The following TAB2 variants were observed in gnomAD, a reference collection of about 807,000 sequenced individuals.
TAB2 encodes TGF-beta activated kinase 1 (MAP3K7) binding protein 2, also known as TGF-beta-activated kinase 1 and MAP3K7-binding protein 2.
A neutral mutation model predicts 65.0 loss-of-function variants in TAB2; 3 were observed. The ratio of observed to expected loss-of-function variants is 0.05; its 90% CI spans 0.02 to 0.12. The LOEUF (loss-of-function observed/expected upper bound fraction) is 0.12. Among genes scored for constraint, TAB2 ranks in the 10% least tolerant of loss-of-function variants. The pLI, the probability that TAB2 is intolerant of heterozygous loss-of-function variation, is 1.00. For missense variants in TAB2, 623 were observed against 840.3 expected (o/e 0.74, Z 3.20); for synonymous variants, 298 against 285.1 (o/e 1.05, Z -0.46).
At chr6:149,379,554 G>A (rs1368353395) in intron 3 of TAB2, 36 bp downstream of exon 3, 4 of 1,604,712 alleles carry the variant, frequency 2.5e-6, no homozygotes, top group South Asian at 1.1e-5. Flanking sequence ...GGTTTTCCAT[G>A]CTGGGCTTGT....
At chr6:149,315,988 T>C (rs1473579838), upstream of TAB2, among the ~76,000 whole-genome samples, 77 of 152,240 alleles carry the variant, frequency 5.1e-4, no homozygotes, top group Non-Finnish European at 7.3e-5. Context: ...AAAGCAATTG[T>C]TGCCTCTGTA....
chr6:149,295,916 C>T (rs1420221141), intron 1 of TAB2, among the ~76,000 whole-genome samples: 2 of 152,076 alleles, frequency 1.3e-5, no homozygotes, highest in African/African-American at 2.4e-5. Flanking sequence ...GGACTACAGG[C>T]GCATACTACT....
intron 1 of TAB2, among the ~76,000 whole-genome samples, chr6:149,279,654 C>G (rs1778537247): frequency 6.6e-6 from 1 of 152,154 alleles, no homozygotes; most frequent in Admixed American, 6.5e-5. Flanking sequence ...AATATCTGGC[C>G]TGAAATGCCA....
At chr6:149,305,492 A>G (rs1303527253) in intron 1 of TAB2, among the ~76,000 whole-genome samples, 1 of 152,134 alleles carries the variant, frequency 6.6e-6, no homozygotes, top group African/African-American at 2.4e-5. Flanking sequence ...GCACCTCCTA[A>G]TTACTTCCTT....
chr6:149,274,125 G>A (rs191420329), intron 1 of TAB2, among the ~76,000 whole-genome samples: 39 of 152,356 alleles, frequency 2.6e-4, no homozygotes, highest in African/African-American at 8.7e-4. Context: ...TCAAAAGTGT[G>A]GTGGAATCTT....
chr6:149,275,268 G>GAAAT (rs1778444648), intron 1 of TAB2, among the ~76,000 whole-genome samples: 1 of 148,116 alleles, frequency 6.8e-6, no homozygotes, highest in Non-Finnish European at 1.5e-5. Context: ...AAGAAAGAAA[G>GAAAT]AAAGAAAGAA....
intron 1 of TAB2, among the ~76,000 whole-genome samples, chr6:149,307,515 A>G (rs1779091774): frequency 6.6e-6 from 1 of 152,134 alleles, no homozygotes; most frequent in African/African-American, 2.4e-5. Flanking sequence ...CTGCCCTCTC[A>G]AGATTTCTTT....
chr6:149,267,399 C>T lies in TAB2; in HGVS notation c.-121+48623C>T, dbSNP rs541632740. Among the ~76,000 whole-genome samples the T allele has an allele frequency of 4.6e-5, 7 of 152,208 alleles. No individual in the cohort carries two copies. In the East Asian group the frequency reaches 7.7e-4, roughly 17 times the overall value. On this transcript the variant is annotated intron_variant, in intron 1 of 1. Coordinates refer to the TAB2 transcript ENST00000606202. ...TTGCAGGGTCCTTGCACCAGTGTCACGAACCAGAGGAAGAGGGTGATTTGG... is the reference window on the plus strand; with the variant it reads ...TTGCAGGGTCCTTGCACCAGTGTCATGAACCAGAGGAAGAGGGTGATTTGG...
chr6:149,381,357 C>T, intron 3 of TAB2, among the ~76,000 whole-genome samples: 1 of 152,162 alleles, frequency 6.6e-6, no homozygotes, highest in East Asian at 1.9e-4. Context: ...GTCACCTTCT[C>T]TTCCTGTCCT....
chr6:149,227,384 A>G (rs952545997), intron 1 of TAB2, among the ~76,000 whole-genome samples: 3 of 152,268 alleles, frequency 2.0e-5, no homozygotes, highest in African/African-American at 7.2e-5. Flanking sequence ...GCTTGTGAAA[A>G]ATCTGACCCC....
rs557199229 is a variant in TAB2 at position 149,307,133 on chromosome 6, G to GGGAATTGT, written c.-120-70885_-120-70884insGGAATTGT. ...TGTTCATGGATGGGTAGTGTTGTGA[G>GGGAATTGT]TCATAGAACAATTCCGTTGCAAATA... On this transcript the variant is annotated intron_variant, in intron 1 of 1. Coordinates refer to the TAB2 transcript ENST00000606202. Among the ~76,000 whole-genome samples the GGGAATTGT allele has an allele frequency of 4.7e-4, 71 of 152,216 alleles. No homozygotes were observed. The South Asian group carries it at 0.013, about 28-fold the overall frequency.
At chr6:149,250,096 T>C (rs1200337202) in intron 1 of TAB2, among the ~76,000 whole-genome samples, 1 of 151,932 alleles carries the variant, frequency 6.6e-6, no homozygotes, top group Non-Finnish European at 1.5e-5. Context: ...ATGAAAATAA[T>C]AAAGGACTGT....
At chr6:149,218,332 G>A (rs1455922147), upstream of TAB2, among the ~76,000 whole-genome samples, 1 of 152,148 alleles carries the variant, frequency 6.6e-6, no homozygotes, top group African/African-American at 2.4e-5. Context: ...CATGTTTTAT[G>A]TTTATTCAGG....
At chr6:149,309,253 A>G (rs1396999634) in intron 1 of TAB2, among the ~76,000 whole-genome samples, 2 of 152,224 alleles carry the variant, frequency 1.3e-5, no homozygotes, top group Admixed American at 1.3e-4. Context: ...CTTCATGTGC[A>G]AAGCCTTTAT....
chr6:149,362,005 A>C (rs985935902), intron 1 of TAB2, among the ~76,000 whole-genome samples: 3 of 152,162 alleles, frequency 2.0e-5, no homozygotes, highest in Non-Finnish European at 4.4e-5. Flanking sequence ...TGTCCATATC[A>C]CTATCAAGAT....
chr6:149,267,777 A>G (rs1245961458), intron 1 of TAB2, among the ~76,000 whole-genome samples: 3 of 152,176 alleles, frequency 2.0e-5, no homozygotes, highest in Non-Finnish European at 2.9e-5. Flanking sequence ...AAGCCCGTAC[A>G]GCATATTACT....
intron 6 of TAB2, among the ~76,000 whole-genome samples, 166 bp downstream of exon 6, chr6:149,399,350 T>G (rs1782287323): frequency 6.6e-6 from 1 of 152,180 alleles, no homozygotes; most frequent in African/African-American, 2.4e-5. Context: ...TGCTTGGGGT[T>G]GGGAAGGATG....
At chr6:149,323,081 T>C (rs1314029848) in intron 1 of TAB2, among the ~76,000 whole-genome samples, 4 of 152,154 alleles carry the variant, frequency 2.6e-5, no homozygotes, top group Non-Finnish European at 4.4e-5. Context: ...GTGTGTTAAA[T>C]GTTGAATAGT....
chr6:149,343,958 G>A (rs529269830), intron 1 of TAB2, among the ~76,000 whole-genome samples: 75 of 152,316 alleles, frequency 4.9e-4, no homozygotes, highest in Non-Finnish European at 8.8e-4. Flanking sequence ...TATCCCAATT[G>A]TGAATTTAAA....
Sources: allele counts gnomAD v4.1 joint callset (sites outside exome capture counted in the v4.1 genomes callset), GRCh38; gene constraint gnomAD v4.1.1; transcripts MANE v1.5; gene names NCBI Gene and HGNC (gene_info 2026-07-23, HGNC 2026-07-21).